Variants in CHLSN observed in about 807,000 individuals in gnomAD.
The protein encoded by CHLSN is cholesin, also known as protein cholesin.
chr7:1,069,414 A>C, the CHLSN span, among the ~76,000 whole-genome samples: 1 of 142,088 alleles, frequency 7.0e-6, no homozygotes, highest in Admixed American at 7.0e-5. Context: ...TGCGGAGCCG[A>C]AGCTGGACTG....
At chr7:1,055,191 G>A in the CHLSN span, 549 of 467,826 alleles carry the variant, frequency 1.2e-3, 1 homozygote, top group African/African-American at 9.8e-3. Flanking sequence ...ACGGCCCCTC[G>A]TTTCTGGAAC....
chr7:1,091,835 C>T, the CHLSN span: 32 of 1,607,848 alleles, frequency 2.0e-5, no homozygotes, highest in Admixed American at 6.7e-5. Flanking sequence ...CTGTCCCACC[C>T]GCTCCTGGGC....
the CHLSN span, chr7:1,127,393 C>T: frequency 4.4e-6 from 7 of 1,595,202 alleles, no homozygotes; most frequent in South Asian, 1.1e-5. Flanking sequence ...CATCCTGCAA[C>T]AGAGAAAGTA....
chr7:1,016,424 AGCACACAGCAGCGCACG>A, the CHLSN span, among the ~76,000 whole-genome samples: 2 of 132,498 alleles, frequency 1.5e-5, no homozygotes, highest in African/African-American at 5.9e-5. Flanking sequence ...AGCGCACGCC[AGCACACAGCAGCGCACG>A]CCAGCACACA....
chr7:1,038,997 C>T, the CHLSN span, among the ~76,000 whole-genome samples: 2 of 72,768 alleles, frequency 2.7e-5, no homozygotes, highest in Non-Finnish European at 2.9e-5. Context: ...CCGCCCCGTC[C>T]GGGAGGGAGG....
the CHLSN span, chr7:988,928 T>C: frequency 7.1e-6 from 5 of 699,786 alleles, no homozygotes; most frequent in African/African-American, 9.9e-5. Flanking sequence ...GGGAGGGCCC[T>C]GAGGACTCCC....
chr7:1,044,556 G>GT, the CHLSN span: 1 of 151,094 alleles, frequency 6.6e-6, no homozygotes, highest in Admixed American at 6.6e-5. Flanking sequence ...GGTCACGTGT[G>GT]TACACAGGGC....
chr7:1,057,617 G>A, the CHLSN span: 2 of 769,762 alleles, frequency 2.6e-6, no homozygotes, highest in African/African-American at 3.4e-5. Context: ...TGCTGGGCCT[G>A]GTGGTGGGCG....
At chr7:1,010,217 C>T in the CHLSN span, 508 of 1,394,040 alleles carry the variant, frequency 3.6e-4, 3 homozygotes, top group East Asian at 0.011. Context: ...TGGGGCTTCC[C>T]GAGCCCACCC....
chr7:1,006,850 C>T, the CHLSN span, among the ~76,000 whole-genome samples: 7 of 152,202 alleles, frequency 4.6e-5, no homozygotes, highest in African/African-American at 1.7e-4. Context: ...TCTCCCCAGC[C>T]CTGCTGCACA....
chr7:1,016,889 C>CACAG, the CHLSN span, among the ~76,000 whole-genome samples: 1 of 89,502 alleles, frequency 1.1e-5, no homozygotes, highest in African/African-American at 5.4e-5. Context: ...GCAGCACACA[C>CACAG]CAGCGCACAG....
At chr7:995,196 AC>A in the CHLSN span, among the ~76,000 whole-genome samples, 1 of 152,184 alleles carries the variant, frequency 6.6e-6, no homozygotes, top group African/African-American at 2.4e-5. Context: ...GCCCTCACTG[AC>A]CTGCACGGGG....
the CHLSN span, among the ~76,000 whole-genome samples, chr7:1,066,681 C>A: frequency 0.018 from 2,761 of 152,340 alleles, 87 homozygotes; most frequent in African/African-American, 0.063. Flanking sequence ...GTACTGCGTC[C>A]CCAGCTGTCT....
chr7:1,041,295 G>A, the CHLSN span, among the ~76,000 whole-genome samples: 1 of 128,572 alleles, frequency 7.8e-6, no homozygotes, highest in African/African-American at 2.8e-5. Flanking sequence ...GCGCTGCGGG[G>A]AAGGGGACCT....
chr7:1,101,116 C>T, the CHLSN span, among the ~76,000 whole-genome samples: 53 of 152,306 alleles, frequency 3.5e-4, no homozygotes, highest in South Asian at 7.2e-3. Context: ...ACGTGCGCCA[C>T]GAGGGCAGGC....
chr7:1,092,852 T>C, the CHLSN span: 9 of 1,611,918 alleles, frequency 5.6e-6, no homozygotes, highest in Non-Finnish European at 7.6e-6. Flanking sequence ...AGCAGTGCCG[T>C]GTAGACAGCC....
At chr7:1,100,808 T>C in the CHLSN span, among the ~76,000 whole-genome samples, 1 of 151,980 alleles carries the variant, frequency 6.6e-6, no homozygotes, top group Non-Finnish European at 1.5e-5. Flanking sequence ...CTGAGCACTT[T>C]ACCCATCTCG....
At chr7:1,110,023 T>C in the CHLSN span, among the ~76,000 whole-genome samples, 1 of 151,952 alleles carries the variant, frequency 6.6e-6, no homozygotes, top group Non-Finnish European at 1.5e-5. Flanking sequence ...AGGACACCAA[T>C]GCCGGCACCT....
At chr7:1,016,869 GCAGCGCACAGCAGCACACAC>G in the CHLSN span, among the ~76,000 whole-genome samples, 14 of 48,654 alleles carry the variant, frequency 2.9e-4, 1 homozygote, top group Middle Eastern at 0.012. Flanking sequence ...ACAGCACACA[GCAGCGCACAGCAGCACACAC>G]CAGCGCACAG....
Sources: gnomAD v4.1 joint callset for allele counts (sites outside exome capture counted in the v4.1 genomes callset) on GRCh38, gnomAD v4.1.1 for gene constraint, MANE v1.5 for transcripts, NCBI Gene and HGNC (gene_info 2026-07-23, HGNC 2026-07-21) for gene names.